The following NIN variants were observed in gnomAD, a reference collection of about 807,000 sequenced individuals.
NIN encodes glycogen synthase kinase 3 beta-interacting protein.
NIN carries 137 observed loss-of-function variants against 257.6 expected under a neutral mutation model. That is an observed-to-expected ratio of 0.53 (90% confidence interval 0.46 to 0.61). NIN has a LOEUF of 0.61. Ranked by LOEUF, NIN falls within the 20% of genes least tolerant of loss-of-function variation. The probability of loss-of-function intolerance (pLI) is 0.00; values close to 1 mark genes in which losing one functional copy is unlikely to be tolerated. For synonymous variants in NIN, 918 were observed against 919.8 expected, an observed-to-expected ratio of 1.00 and a Z score of 0.04; for missense variants, 2,439 against 2,501.2, an observed-to-expected ratio of 0.98 and a Z score of 0.53.
intron 20 of NIN, 22 bp downstream of exon 20, chr14:50,754,541 G>T (rs777928585): frequency 1.3e-6 from 2 of 1,569,400 alleles, no homozygotes; most frequent in Non-Finnish European, 1.7e-6. Context: ...AAAACATTGA[G>T]AAATATTAAG....
At chr14:50,784,072 T>C (rs2043243770) in intron 5 of NIN, among the ~76,000 whole-genome samples, 1 of 152,228 alleles carries the variant, frequency 6.6e-6, no homozygotes, top group Non-Finnish European at 1.5e-5. Flanking sequence ...TGGATATTAA[T>C]AAACATAAAA....
In NIN at chr14:50,738,389, T is replaced by G. The variant is rs781471949; in HGVS notation, c.5629-103A>C. ...TTTAATTCAGTACTTGGGTCCTGTT[T>G]AACATCCTTTTTCAATCAAGCCTGT... is the stretch of plus-strand genomic sequence containing the variant. On this transcript the variant is annotated intron_variant, in intron 26 of 30. Coordinates refer to ENST00000530997, the MANE Select transcript of NIN (RefSeq NM_020921.4). 196 of 942,330 alleles carry G rather than the reference T, an allele frequency of 2.1e-4. 1 individual carries two copies. Among genetic ancestry groups the G allele is most frequent in the Non-Finnish European group, 3.0e-4 (189 of 625,832 alleles). 58.4% of individuals were successfully genotyped at this position (942,330 alleles called of 1,614,324 possible).
At chr14:50,733,958 T>C (rs564085563) in intron 28 of NIN, among the ~76,000 whole-genome samples, 19 of 152,260 alleles carry the variant, frequency 1.2e-4, no homozygotes, top group Non-Finnish European at 2.6e-4. Context: ...ATGTTAGTGC[T>C]ATACGTTTGC....
At position 50,763,814 on chromosome 14, in the gene NIN, G is replaced by T; in HGVS notation, c.1774+12C>A. 1 of 1,612,454 alleles carries T rather than the reference G, an allele frequency of 6.2e-7. No individual in the cohort carries two copies. Among genetic ancestry groups the T allele is most frequent in the Non-Finnish European group, 8.5e-7 (1 of 1,179,012 alleles). On this transcript the variant is annotated intron_variant, in intron 15 of 30. Coordinates refer to ENST00000530997, the MANE Select transcript of NIN (RefSeq NM_020921.4). ...TAAAGGCTTTATCTACAGCCTGTCCGAATGTGTTTACCGTGTTCGGGCTCA... is the reference window on the plus strand; with the variant it reads ...TAAAGGCTTTATCTACAGCCTGTCCTAATGTGTTTACCGTGTTCGGGCTCA...
At chr14:50,764,769 G>C (rs764615917) in intron 14 of NIN, among the ~76,000 whole-genome samples, 5 of 152,084 alleles carry the variant, frequency 3.3e-5, no homozygotes, top group Non-Finnish European at 5.9e-5. Flanking sequence ...ATGCAAATCT[G>C]TAGAGACACA....
chr14:50,734,845 T>A (rs975143307), intron 28 of NIN, among the ~76,000 whole-genome samples: 3 of 147,914 alleles, frequency 2.0e-5, no homozygotes, highest in African/African-American at 7.4e-5. Flanking sequence ...CCTGGCTAAT[T>A]TTTGTATTTT....
intron 21 of NIN, among the ~76,000 whole-genome samples, chr14:50,748,656 C>T (rs1036745465): frequency 2.0e-5 from 3 of 152,196 alleles, no homozygotes; most frequent in African/African-American, 7.2e-5. Flanking sequence ...GCAAAAATCA[C>T]AAGCATTCCT....
At chr14:50,825,261 G>C (rs2045407024) in intron 2 of NIN, among the ~76,000 whole-genome samples, 1 of 152,232 alleles carries the variant, frequency 6.6e-6, no homozygotes, top group African/African-American at 2.4e-5. Flanking sequence ...CAAAGCAGGA[G>C]ATGTGAAATG....
intron 4 of NIN, among the ~76,000 whole-genome samples, chr14:50,801,263 G>A (rs2044091911): frequency 6.6e-6 from 1 of 151,886 alleles, no homozygotes; most frequent in South Asian, 2.1e-4. Context: ...GCTAATTTTT[G>A]TATTTTTAGT....
intron 3 of NIN, among the ~76,000 whole-genome samples, chr14:50,814,924 A>C (rs1378201477): frequency 6.6e-6 from 1 of 152,240 alleles, no homozygotes; most frequent in African/African-American, 2.4e-5. Context: ...GTAAAACCCA[A>C]AACTATAAAA....
intron 14 of NIN, 143 bp from the exon 15 acceptor site, chr14:50,764,107 G>A (rs180920349): frequency 3.0e-6 from 2 of 668,470 alleles, no homozygotes; most frequent in Non-Finnish European, 5.1e-6. Context: ...GAAATGTTTT[G>A]CAAATTAAGT....
intron 28 of NIN, among the ~76,000 whole-genome samples, chr14:50,731,999 T>A (rs544482016): frequency 6.6e-6 from 1 of 152,190 alleles, no homozygotes; most frequent in African/African-American, 2.4e-5. Context: ...ACTGCTGATA[T>A]AGTCTGTAAC....
rs771099998 is a variant in NIN at position 50,778,856 on chromosome 14, C to T, written c.436-52G>A. 3 of 1,580,798 alleles carry T rather than the reference C, an allele frequency of 1.9e-6. No homozygotes were observed. In the East Asian group the frequency reaches 6.7e-5, roughly 35 times the overall value. On this transcript the variant is annotated intron_variant, in intron 5 of 30. Transcript: ENST00000530997. ...TGCTTTAGAACTTATTCAGAAAGAA[C>T]TATCCTAGCTTTTCCTAGAGCAGAT...
chr14:50,723,613 CTG>C lies in NIN; in HGVS notation c.6250_6251del (p.Gln2084ValfsTer9). The C allele has an allele frequency of 6.2e-7, 1 of 1,613,884 alleles. No individual in the cohort carries two copies. Among genetic ancestry groups the C allele is most frequent in the South Asian group, 1.1e-5 (1 of 91,078 alleles). On this transcript the variant is annotated frameshift_variant, in exon 31 of 31. Coordinates refer to ENST00000530997, the MANE Select transcript of NIN (RefSeq NM_020921.4). LOFTEE classifies it high-confidence loss of function. ...CAGTCACTTCCAGAGCTTTCAACAACTGGGCATTTTCAACATACAAGTCCTTC... is the reference window on the plus strand; with the variant it reads ...CAGTCACTTCCAGAGCTTTCAACAACGGCATTTTCAACATACAAGTCCTTC... Reference protein sequence around the residue: ...MVKDLYVENAQLLKALEVTEQ... With the variant: ...MVKDLYVENAXLLKALEVTEQ...
intron 18 of NIN, among the ~76,000 whole-genome samples, chr14:50,755,678 TA>T (rs767100584): frequency 0.03 from 875 of 28,786 alleles, 94 homozygotes; most frequent in African/African-American, 0.091. Flanking sequence ...TTTTTTTTTT[TA>T]AAAGAGACAG....
rs61028485 is a variant in NIN, at chr14:50,768,052, AACACACACACACACACAC to A, written c.1435-1180_1435-1163del. 6.0e-4 allele frequency among the ~76,000 whole-genome samples: 84 copies of A among 139,068 alleles called. 1 individual carries two copies. Among genetic ancestry groups the A allele is most frequent in the Admixed American group, 2.6e-3 (36 of 13,958 alleles). The allele number at this position is 139,068 out of a possible 152,430, so 91.2% of individuals were successfully genotyped here. Reference sequence around the variant, plus strand: ...AGAAAGATTTCCAACCACATTTGCCAACACACACACACACACACACACACACACACACACACACACACA... The same window carrying A: ...AGAAAGATTTCCAACCACATTTGCCAACACACACACACACACACACACACA... On this transcript the variant is annotated intron_variant, in intron 12 of 30. Coordinates refer to ENST00000530997, the MANE Select transcript of NIN (RefSeq NM_020921.4).
In NIN at chr14:50,743,129, C is replaced by CT. The variant is rs1217121904; in HGVS notation, c.5301+286dup. On this transcript the variant is annotated intron_variant, in intron 24 of 30. Transcript: ENST00000530997. The stretch of plus-strand genomic sequence containing the variant: ...AACAGGCACCTGCCACGACACCAGG[C>CT]TTTTTTTTTTTTTAATTTTTAGTAG... 0.02 allele frequency among the ~76,000 whole-genome samples: 2,816 copies of CT among 142,544 alleles called. 98 individuals carry two copies. The highest frequency in any genetic ancestry group is 0.067 in the African/African-American group (2,610 of 38,916). The allele number at this position is 142,544 out of a possible 152,430, so 93.5% of individuals were successfully genotyped here. A position where few individuals can be genotyped will look rare whatever the true frequency, so the allele number is the denominator to read the frequency against.
chr14:50,773,774 G>A (rs895955119), intron 7 of NIN, among the ~76,000 whole-genome samples: 3 of 151,990 alleles, frequency 2.0e-5, no homozygotes, highest in Non-Finnish European at 4.4e-5. Flanking sequence ...TGGCTAGTCC[G>A]CACCCTCTGA....
intron 22 of NIN, among the ~76,000 whole-genome samples, chr14:50,747,533 A>G (rs2041601596): frequency 6.6e-6 from 1 of 152,166 alleles, no homozygotes; most frequent in Non-Finnish European, 1.5e-5. Flanking sequence ...CAGGAATTCA[A>G]GACCAGCCTG....
Sources: allele counts gnomAD v4.1 joint callset (sites outside exome capture counted in the v4.1 genomes callset), GRCh38; gene constraint gnomAD v4.1.1; transcripts MANE v1.5; gene names NCBI Gene and HGNC (gene_info 2026-07-23, HGNC 2026-07-21).